The following KAT6A variants were observed in gnomAD, a reference collection of about 807,000 sequenced individuals.
KAT6A encodes histone acetyltransferase KAT6A.
A neutral mutation model predicts 198.4 loss-of-function variants in KAT6A; 9 were observed. The ratio of observed to expected loss-of-function variants is 0.05; its 90% CI spans 0.03 to 0.08. KAT6A has a LOEUF of 0.08. KAT6A is among the 10% of genes least tolerant of loss of function. KAT6A has a pLI of 1.00. For synonymous variants in KAT6A, 890 were observed against 883.0 expected, an observed-to-expected ratio of 1.01 and a Z score of -0.14; for missense variants, 2,077 against 2,509.9, an observed-to-expected ratio of 0.83 and a Z score of 3.69.
chr8:41,992,812 A>C (rs1825009231), intron 2 of KAT6A, among the ~76,000 whole-genome samples: 2 of 152,164 alleles, frequency 1.3e-5, no homozygotes, highest in Non-Finnish European at 2.9e-5. Context: ...AAGTATAGCA[A>C]AGTACTTGGC....
intron 2 of KAT6A, among the ~76,000 whole-genome samples, chr8:41,993,471 C>T (rs1825039106): frequency 6.6e-6 from 1 of 152,212 alleles, no homozygotes; most frequent in South Asian, 2.1e-4. Flanking sequence ...TTCAGTCACA[C>T]ATGGCATGCT....
chr8:41,986,931 G>A (rs1452279475), intron 3 of KAT6A, among the ~76,000 whole-genome samples: 4 of 152,016 alleles, frequency 2.6e-5, no homozygotes, highest in East Asian at 1.9e-4. Flanking sequence ...CCACCTACTC[G>A]GGAGGCTGAG....
intron 8 of KAT6A, among the ~76,000 whole-genome samples, chr8:41,959,159 G>GAAAA (rs57009251): frequency 2.4e-5 from 2 of 82,876 alleles, no homozygotes; most frequent in African/African-American, 1.0e-4. Flanking sequence ...AGACTGTCTC[G>GAAAA]AAAAAAAAAA....
intron 12 of KAT6A, among the ~76,000 whole-genome samples, chr8:41,945,706 T>C (rs1822345503): frequency 6.6e-6 from 1 of 152,148 alleles, no homozygotes; most frequent in Admixed American, 6.5e-5. Flanking sequence ...TCACACAAAA[T>C]TTTATTCAAT....
At chr8:42,038,375 G>C (rs552803641) in intron 2 of KAT6A, among the ~76,000 whole-genome samples, 15 of 152,278 alleles carry the variant, frequency 9.9e-5, no homozygotes, top group African/African-American at 3.6e-4. Flanking sequence ...AGAGTGTATA[G>C]CTATTTTCAC....
intron 2 of KAT6A, among the ~76,000 whole-genome samples, chr8:42,020,797 A>C (rs1284109272): frequency 6.6e-6 from 1 of 152,184 alleles, no homozygotes; most frequent in African/African-American, 2.4e-5. Flanking sequence ...TCCCCAAAGG[A>C]AAACTTGAGA....
intron 12 of KAT6A, among the ~76,000 whole-genome samples, chr8:41,945,623 T>G (rs1822340941): frequency 6.6e-6 from 1 of 152,148 alleles, no homozygotes; most frequent in Admixed American, 6.5e-5. Flanking sequence ...GTTTTTAGTA[T>G]TATTAGTATT....
Position 41,941,390 on chromosome 8 carries a change from T to G in KAT6A, c.2491A>C (p.Ser831Arg). 1 of 1,610,064 alleles carries G rather than the reference T, an allele frequency of 6.2e-7. No homozygotes were observed. Among genetic ancestry groups the G allele is most frequent in the East Asian group, 2.2e-5 (1 of 44,888 alleles). The change falls in exon 15 of 17, where the codon AGT becomes CGT. Residue 831 changes from serine to arginine, a missense_variant. Coordinates refer to ENST00000265713, the MANE Select transcript of KAT6A (RefSeq NM_006766.5). The stretch of plus-strand genomic sequence containing the variant: ...GCCATAACTTCTGGTTTCTTTTCAC[T>G]TTCTACTGAATAAGAATCTTGTTCT... ...NKEQDSYSVE[S>R]EKKPEVMAPV...
At chr8:41,967,887 T>G (rs1416786217) in intron 8 of KAT6A, among the ~76,000 whole-genome samples, 2 of 152,060 alleles carry the variant, frequency 1.3e-5, no homozygotes, top group African/African-American at 4.8e-5. Flanking sequence ...GATTCCCTAT[T>G]TAATAAATGG....
intron 8 of KAT6A, among the ~76,000 whole-genome samples, chr8:41,959,159 GAAAAAAAA>G (rs57009251): frequency 6.0e-5 from 5 of 82,878 alleles, no homozygotes; most frequent in African/African-American, 1.0e-4. Flanking sequence ...AGACTGTCTC[GAAAAAAAA>G]AAAAAAAAAA....
At chr8:41,947,555 G>A (rs1400558008) in intron 11 of KAT6A, among the ~76,000 whole-genome samples, 196 bp downstream of exon 11, 1 of 152,130 alleles carries the variant, frequency 6.6e-6, no homozygotes, top group Non-Finnish European at 1.5e-5. Flanking sequence ...CATAATCCTA[G>A]GAGAATATAG....
rs960136880 is a variant in KAT6A, at chr8:42,003,534, C to A, written c.601-15971G>T. 2.0e-5 allele frequency among the ~76,000 whole-genome samples: 3 copies of A among 151,426 alleles called. 1 individual carries two copies. Among genetic ancestry groups the A allele is most frequent in the East Asian group, 1.9e-4 (1 of 5,186 alleles). ...GGTGTTACTTCAATTTTCCATTTTG[C>A]ATTTCAGTTCTCCAGCATCTGCTTT... is the stretch of plus-strand genomic sequence containing the variant. On this transcript the variant is annotated intron_variant, in intron 2 of 16. Transcript: ENST00000265713.
At chr8:41,982,870 T>C (rs1157625306) in intron 3 of KAT6A, among the ~76,000 whole-genome samples, 1 of 152,186 alleles carries the variant, frequency 6.6e-6, no homozygotes, top group Non-Finnish European at 1.5e-5. Flanking sequence ...TATGTATGTA[T>C]GCACATGCAC....
chr8:42,041,169 T>C (rs1827647301), intron 2 of KAT6A, among the ~76,000 whole-genome samples: 1 of 130,210 alleles, frequency 7.7e-6, no homozygotes, highest in Non-Finnish European at 1.6e-5. Context: ...CACTCCAGTC[T>C]GGGCAAGAGT....
Position 42,049,182 on chromosome 8 carries a change from A to G in KAT6A, c.-205T>C. 1 of 529,056 alleles carries G rather than the reference A, an allele frequency of 1.9e-6. No homozygotes were observed. Among genetic ancestry groups the G allele is most frequent in the Non-Finnish European group, 3.3e-6 (1 of 302,790 alleles). The allele number at this position is 529,056 out of a possible 1,614,324, so 32.8% of individuals were successfully genotyped here. ...AAACCAAAACAACCTGTTGATTGAA[A>G]TGTCTTCCAACTTCCCAATGAATTT... On this transcript the variant is annotated 5_prime_UTR_variant, in exon 2 of 17. Coordinates refer to ENST00000265713, the MANE Select transcript of KAT6A (RefSeq NM_006766.5).
intron 2 of KAT6A, among the ~76,000 whole-genome samples, chr8:41,996,337 G>A (rs560406231): frequency 6.6e-6 from 1 of 152,270 alleles, no homozygotes; most frequent in African/African-American, 2.4e-5. Flanking sequence ...TACAGCCACT[G>A]GAAATTACTG....
intron 2 of KAT6A, among the ~76,000 whole-genome samples, chr8:42,020,511 C>A (rs1826479864): frequency 6.6e-6 from 1 of 152,156 alleles, no homozygotes; most frequent in Non-Finnish European, 1.5e-5. Flanking sequence ...TTGGCTTCCC[C>A]ACTTGCCTGA....
At chr8:41,989,247 G>A (rs919651351) in intron 2 of KAT6A, among the ~76,000 whole-genome samples, 1 of 152,162 alleles carries the variant, frequency 6.6e-6, no homozygotes, top group Non-Finnish European at 1.5e-5. Context: ...AGTGGCTCAC[G>A]CTTGTAATCC....
intron 2 of KAT6A, among the ~76,000 whole-genome samples, chr8:42,044,511 AAC>A (rs1310446104): frequency 1.3e-5 from 2 of 152,188 alleles, no homozygotes; most frequent in African/African-American, 4.8e-5. Flanking sequence ...AACGTATTCC[AAC>A]ACAGTTGATC....
Sources: gnomAD v4.1 joint callset for allele counts (sites outside exome capture counted in the v4.1 genomes callset) on GRCh38, gnomAD v4.1.1 for gene constraint, MANE v1.5 for transcripts, NCBI Gene and HGNC (gene_info 2026-07-23, HGNC 2026-07-21) for gene names.